NXPH1: variants seen among roughly 807,000 people sequenced by gnomAD.
NXPH1 encodes the protein neurexophilin-1.
A neutral mutation model predicts 23.7 loss-of-function variants in NXPH1; 5 were observed. That is an observed-to-expected ratio of 0.21 (90% confidence interval 0.11 to 0.44). The LOEUF (loss-of-function observed/expected upper bound fraction) is 0.44. NXPH1 is among the 20% of genes least tolerant of loss of function. The pLI, the probability that NXPH1 is intolerant of heterozygous loss-of-function variation, is 0.99. For synonymous variants in NXPH1, 144 were observed against 122.2 expected (o/e 1.18, Z -1.18); for missense variants, 324 against 321.6 (o/e 1.01, Z -0.06).
intron 2 of NXPH1, among the ~76,000 whole-genome samples, chr7:8,459,438 A>G (rs1002373931): frequency 2.6e-5 from 4 of 152,198 alleles, no homozygotes; most frequent in African/African-American, 7.2e-5. Flanking sequence ...AAATTGCCCA[A>G]TAGTATAATT....
At chr7:8,624,482 A>AACCCT (rs1819946008) in intron 2 of NXPH1, among the ~76,000 whole-genome samples, 1 of 152,106 alleles carries the variant, frequency 6.6e-6, no homozygotes, top group Admixed American at 6.6e-5. Context: ...AACTGAGAAA[A>AACCCT]ACCCTAAGAA....
At chr7:8,589,122 C>A (rs1352603926) in intron 2 of NXPH1, among the ~76,000 whole-genome samples, 2 of 152,054 alleles carry the variant, frequency 1.3e-5, no homozygotes, top group South Asian at 2.1e-4. Flanking sequence ...TTAGAAATAT[C>A]AAATTTAACT....
intron 2 of NXPH1, among the ~76,000 whole-genome samples, chr7:8,469,711 A>T (rs1027248680): frequency 1.3e-5 from 2 of 152,144 alleles, no homozygotes; most frequent in Admixed American, 1.3e-4. Flanking sequence ...CACTATGATG[A>T]GGGTAAAATA....
intron 2 of NXPH1, among the ~76,000 whole-genome samples, chr7:8,512,352 T>C (rs1817625852): frequency 6.6e-6 from 1 of 152,142 alleles, no homozygotes; most frequent in Admixed American, 6.5e-5. Flanking sequence ...ATTTATGAAA[T>C]GTCCACTGCA....
chr7:8,747,916 G>T (rs73052274), intron 2 of NXPH1, among the ~76,000 whole-genome samples: 6 of 152,120 alleles, frequency 3.9e-5, no homozygotes, highest in East Asian at 1.9e-4. Context: ...GAGTGGGAAA[G>T]CTGTAGTTGT....
chr7:8,558,227 TA>T (rs199709314), intron 2 of NXPH1, among the ~76,000 whole-genome samples: 1 of 146,646 alleles, frequency 6.8e-6, no homozygotes, highest in Non-Finnish European at 1.5e-5. Context: ...TTTATTTGGT[TA>T]TTTTTTTCGG....
intron 2 of NXPH1, among the ~76,000 whole-genome samples, chr7:8,461,567 A>AGG (rs1816694686): frequency 6.6e-6 from 1 of 151,248 alleles, no homozygotes; most frequent in African/African-American, 2.4e-5. Flanking sequence ...GCGGTGGCTC[A>AGG]CGCCTGTAAT....
At chr7:8,666,088 A>T (rs1820759461) in intron 2 of NXPH1, among the ~76,000 whole-genome samples, 1 of 151,870 alleles carries the variant, frequency 6.6e-6, no homozygotes, top group African/African-American at 2.4e-5. Flanking sequence ...TACTACACTG[A>T]AAAATGTGGG....
At chr7:8,445,073 A>T (rs1338918867) in intron 2 of NXPH1, among the ~76,000 whole-genome samples, 3 of 152,216 alleles carry the variant, frequency 2.0e-5, no homozygotes, top group African/African-American at 7.2e-5. Context: ...AAACTCTGTG[A>T]GATATACGTA....
At chr7:8,732,230 C>T (rs1055993713) in intron 2 of NXPH1, among the ~76,000 whole-genome samples, 3 of 152,228 alleles carry the variant, frequency 2.0e-5, no homozygotes, top group Non-Finnish European at 2.9e-5. Context: ...CACTGACTTG[C>T]GCCCAGTGTC....
intron 2 of NXPH1, among the ~76,000 whole-genome samples, chr7:8,524,897 T>C (rs1417558419): frequency 6.6e-6 from 1 of 152,232 alleles, no homozygotes; most frequent in African/African-American, 2.4e-5. Context: ...GTCTCAGATA[T>C]GTCTTTATCA....
chr7:8,655,088 T>C (rs1263409569), intron 2 of NXPH1, among the ~76,000 whole-genome samples: 1 of 152,014 alleles, frequency 6.6e-6, no homozygotes, highest in Non-Finnish European at 1.5e-5. Context: ...TCTGAGTAGA[T>C]GAAAAAATAC....
At chr7:8,683,988 C>T (rs1036849447) in intron 2 of NXPH1, among the ~76,000 whole-genome samples, 2 of 151,968 alleles carry the variant, frequency 1.3e-5, no homozygotes, top group African/African-American at 4.8e-5. Flanking sequence ...TACTAAAGTT[C>T]AGGAAGGATT....
intron 2 of NXPH1, among the ~76,000 whole-genome samples, chr7:8,447,324 C>T (rs142609863): frequency 1.3e-5 from 2 of 152,278 alleles, no homozygotes; most frequent in African/African-American, 2.4e-5. Context: ...GAATTAAATG[C>T]AGAGAAAGAT....
intron 2 of NXPH1, among the ~76,000 whole-genome samples, chr7:8,568,703 C>T (rs1818591582): frequency 6.6e-6 from 1 of 150,978 alleles, no homozygotes. Context: ...TGAATCAGTG[C>T]CAAAATGTTC....
chr7:8,455,568 G>A (rs978365852), intron 2 of NXPH1, among the ~76,000 whole-genome samples: 71 of 152,276 alleles, frequency 4.7e-4, no homozygotes, highest in African/African-American at 1.6e-3. Flanking sequence ...TACACCATCT[G>A]CACAGCCTCG....
At chr7:8,685,414 T>C (rs1047389658) in intron 2 of NXPH1, among the ~76,000 whole-genome samples, 1 of 150,494 alleles carries the variant, frequency 6.6e-6, no homozygotes, top group African/African-American at 2.5e-5. Flanking sequence ...GTTCCATCCA[T>C]GTTGTTGCAA....
At chr7:8,485,424 A>G (rs1426187921) in intron 2 of NXPH1, among the ~76,000 whole-genome samples, 1 of 152,148 alleles carries the variant, frequency 6.6e-6, no homozygotes, top group Non-Finnish European at 1.5e-5. Context: ...AAGCCAAACT[A>G]AATAAAAACA....
chr7:8,475,553 A>G (rs897697629), intron 2 of NXPH1, among the ~76,000 whole-genome samples: 4 of 152,180 alleles, frequency 2.6e-5, no homozygotes, highest in Non-Finnish European at 4.4e-5. Context: ...TGTGAATTGC[A>G]TAAAGTGGAT....
Sources: allele counts gnomAD v4.1 joint callset (sites outside exome capture counted in the v4.1 genomes callset), GRCh38; gene constraint gnomAD v4.1.1; transcripts MANE v1.5; gene names NCBI Gene and HGNC (gene_info 2026-07-23, HGNC 2026-07-21).